The following DOK6 variants were observed in gnomAD, a reference collection of about 807,000 sequenced individuals.
DOK6 encodes the protein docking protein 6.
A neutral mutation model predicts 44.0 loss-of-function variants in DOK6; 22 were observed. The ratio of observed to expected loss-of-function variants is 0.50; its 90% CI spans 0.36 to 0.71. The LOEUF (loss-of-function observed/expected upper bound fraction) is 0.71. DOK6 is among the 30% of genes least tolerant of loss of function. The probability of loss-of-function intolerance (pLI) is 0.00; values close to 1 mark genes in which losing one functional copy is unlikely to be tolerated. For missense variants in DOK6, 340 were observed against 416.4 expected (o/e 0.82, Z 1.60); for synonymous variants, 166 against 145.5 (o/e 1.14, Z -1.01).
At chr18:69,814,323 G>T (rs1981332025) in intron 7 of DOK6, among the ~76,000 whole-genome samples, 1 of 152,146 alleles carries the variant, frequency 6.6e-6, no homozygotes, top group African/African-American at 2.4e-5. Context: ...TTCAGGCTAT[G>T]TTGGCCCTGA....
intron 7 of DOK6, among the ~76,000 whole-genome samples, chr18:69,789,976 C>A (rs1190922775): frequency 1.3e-5 from 2 of 152,112 alleles, no homozygotes; most frequent in African/African-American, 2.4e-5. Context: ...ACTTCACATG[C>A]ATGTTACTGA....
intron 7 of DOK6, among the ~76,000 whole-genome samples, chr18:69,762,145 GCATGCATA>G (rs199656632): frequency 0.18 from 19,589 of 108,858 alleles, 1,367 homozygotes; most frequent in Middle Eastern, 0.29. Context: ...CTCCATCTCT[GCATGCATA>G]CATACATACA....
At chr18:69,449,555 G>C (rs1210514410) in intron 1 of DOK6, among the ~76,000 whole-genome samples, 1 of 152,214 alleles carries the variant, frequency 6.6e-6, no homozygotes, top group Non-Finnish European at 1.5e-5. Flanking sequence ...GAAAATAGCT[G>C]TGGAAGCTCA....
At chr18:69,675,211 T>C (rs996266858) in intron 3 of DOK6, among the ~76,000 whole-genome samples, 5 of 152,264 alleles carry the variant, frequency 3.3e-5, no homozygotes, top group African/African-American at 4.8e-5. Context: ...TCCAGTTTCA[T>C]AGAAGCCTTT....
chr18:69,674,995 G>A (rs1481730506), intron 3 of DOK6, among the ~76,000 whole-genome samples: 1 of 152,120 alleles, frequency 6.6e-6, no homozygotes, highest in Non-Finnish European at 1.5e-5. Context: ...AGTCTTTAGT[G>A]TGACAATATG....
chr18:69,659,837 A>T (rs1568325173), intron 3 of DOK6: 29 of 48,130 alleles, frequency 6.0e-4, no homozygotes, highest in East Asian at 1.4e-3. Flanking sequence ...TATATATATA[A>T]CATATATGTA....
intron 7 of DOK6, among the ~76,000 whole-genome samples, chr18:69,803,686 C>T (rs1487461052): frequency 1.3e-5 from 2 of 152,062 alleles, no homozygotes; most frequent in Admixed American, 6.6e-5. Context: ...TATGGTGAAA[C>T]CCCGTCTCTA....
intron 5 of DOK6, among the ~76,000 whole-genome samples, chr18:69,731,880 A>G (rs896158836): frequency 6.6e-6 from 1 of 152,182 alleles, no homozygotes; most frequent in African/African-American, 2.4e-5. Context: ...TTAGCTCTTC[A>G]CCACAAAAAT....
At chr18:69,832,987 C>T (rs993177612) in intron 7 of DOK6, among the ~76,000 whole-genome samples, 5 of 152,066 alleles carry the variant, frequency 3.3e-5, no homozygotes, top group African/African-American at 9.7e-5. Flanking sequence ...GTCCATACTA[C>T]CCAAAGCAAT....
At chr18:69,574,104 G>T (rs1226844810) in intron 2 of DOK6, among the ~76,000 whole-genome samples, 2 of 151,932 alleles carry the variant, frequency 1.3e-5, no homozygotes, top group Non-Finnish European at 2.9e-5. Context: ...TATGATGAAT[G>T]CAGTATGATT....
intron 3 of DOK6, among the ~76,000 whole-genome samples, chr18:69,654,988 G>T (rs535079232): frequency 3.3e-4 from 51 of 152,318 alleles, no homozygotes; most frequent in African/African-American, 1.2e-3. Flanking sequence ...AGTCTGGGAG[G>T]TTGAGGCTAC....
intron 1 of DOK6, among the ~76,000 whole-genome samples, chr18:69,429,521 A>G (rs1978736785): frequency 6.6e-6 from 1 of 151,020 alleles, no homozygotes; most frequent in Non-Finnish European, 1.5e-5. Flanking sequence ...ATGCTTAAAT[A>G]TATGTTGAAA....
intron 2 of DOK6, among the ~76,000 whole-genome samples, chr18:69,573,930 A>G (rs1468185310): frequency 2.0e-5 from 3 of 151,990 alleles, no homozygotes; most frequent in African/African-American, 4.8e-5. Context: ...GCAAGTCTGA[A>G]TTGCTCAAAT....
intron 7 of DOK6, among the ~76,000 whole-genome samples, chr18:69,816,698 AG>A (rs1328550708): frequency 6.6e-6 from 1 of 152,242 alleles, no homozygotes; most frequent in Non-Finnish European, 1.5e-5. Context: ...AAGGCAAATT[AG>A]GGTTTAAACC....
chr18:69,772,264 T>C (rs1404925057), intron 7 of DOK6, among the ~76,000 whole-genome samples: 1 of 152,006 alleles, frequency 6.6e-6, no homozygotes, highest in Non-Finnish European at 1.5e-5. Context: ...TTGAAAGAGT[T>C]AATATTGTTA....
intron 5 of DOK6, among the ~76,000 whole-genome samples, chr18:69,701,768 G>A (rs892268614): frequency 8.5e-5 from 13 of 152,158 alleles, no homozygotes; most frequent in Admixed American, 6.5e-4. Context: ...AATTAGAAAT[G>A]CAAAATAATA....
At chr18:69,582,034 A>G (rs944735251) in intron 2 of DOK6, among the ~76,000 whole-genome samples, 5 of 152,216 alleles carry the variant, frequency 3.3e-5, no homozygotes, top group African/African-American at 4.8e-5. Context: ...ATGTGGAACA[A>G]AAAAGATCCT....
At chr18:69,429,655 ATATATAT>A (rs570655261) in intron 1 of DOK6, among the ~76,000 whole-genome samples, 4 of 75,618 alleles carry the variant, frequency 5.3e-5, no homozygotes, top group Non-Finnish European at 1.1e-4. Flanking sequence ...ATATATATAT[ATATATAT>A]ATCTTATTAA....
rs375347460 is a variant in DOK6 at position 69,675,918 on chromosome 18, GTTTTGTT to G, written c.290-1791_290-1785del. Among the ~76,000 whole-genome samples, 74 of 152,176 alleles carry G rather than the reference GTTTTGTT, an allele frequency of 4.9e-4. No individual in the cohort carries two copies. The East Asian group carries it at 5.2e-3, about 11-fold the overall frequency. ...GGCATTTACTTCCTAAAAGAAAAAA[GTTTTGTT>G]TTTTGTTTTTTGTTTTTTGTTTTTG... On this transcript the variant is annotated intron_variant, in intron 3 of 7. Transcript: ENST00000382713.
Sources: gnomAD v4.1 joint callset for allele counts (sites outside exome capture counted in the v4.1 genomes callset) on GRCh38, gnomAD v4.1.1 for gene constraint, MANE v1.5 for transcripts, NCBI Gene and HGNC (gene_info 2026-07-23, HGNC 2026-07-21) for gene names.